FRMD5: variants seen among roughly 807,000 people sequenced by gnomAD.
The protein encoded by FRMD5 is FERM domain-containing protein 5.
Under a neutral mutation model 69.0 loss-of-function variants are expected in FRMD5, and 20 were observed. That is an observed-to-expected ratio of 0.29 (90% CI 0.20 to 0.42). The LOEUF is 0.42. Among genes scored for constraint, FRMD5 ranks in the 10% least tolerant of loss-of-function variants. The pLI, the probability that FRMD5 is intolerant of heterozygous loss-of-function variation, is 1.00. For synonymous variants in FRMD5, 271 were observed against 260.1 expected (o/e 1.04, Z -0.40); for missense variants, 595 against 708.6 (o/e 0.84, Z 1.82).
intron 1 of FRMD5, among the ~76,000 whole-genome samples, chr15:44,053,246 C>T (rs1892739902): frequency 6.6e-6 from 1 of 152,068 alleles, no homozygotes; most frequent in Admixed American, 6.5e-5. Flanking sequence ...AAAAGATGAA[C>T]ATGGAAGGAA....
At position 43,875,804 on chromosome 15, in the gene FRMD5, G is replaced by GTTTTTTTTTTTTTTTTTTTTTTTTTTTTT; in HGVS notation, c.1136-1343_1136-1342insAAAAAAAAAAAAAAAAAAAAAAAAAAAAA. On this transcript the variant is annotated intron_variant, in intron 13 of 13. Coordinates refer to ENST00000417257, the MANE Select transcript of FRMD5 (RefSeq NM_032892.5). ...TCTTGCCTTTGGTGTCCTGGGCCTA[G>GTTTTTTTTTTTTTTTTTTTTTTTTTTTTT]TTTTTTTTTTTTTTTTTTTTTTTCT... 1.4e-5 allele frequency: 3 copies of GTTTTTTTTTTTTTTTTTTTTTTTTTTTTT among 210,660 alleles called. 1 individual carries two copies. Among genetic ancestry groups the GTTTTTTTTTTTTTTTTTTTTTTTTTTTTT allele is most frequent in the African/African-American group, 9.6e-5 (2 of 20,938 alleles). 13.0% of individuals were successfully genotyped at this position (210,660 alleles called of 1,614,324 possible). A position where few individuals can be genotyped will look rare whatever the true frequency, so the allele number is the denominator to read the frequency against.
chr15:44,022,467 G>A (rs183255230), intron 1 of FRMD5, among the ~76,000 whole-genome samples: 235 of 150,652 alleles, frequency 1.6e-3, no homozygotes, highest in African/African-American at 2.0e-3. Flanking sequence ...TCAGCTACTC[G>A]GGAGGCTGAG....
At chr15:44,042,320 T>C (rs1396475546) in intron 1 of FRMD5, among the ~76,000 whole-genome samples, 3 of 152,142 alleles carry the variant, frequency 2.0e-5, no homozygotes, top group East Asian at 3.8e-4. Context: ...CAGGACCAGA[T>C]GGATTCACAC....
At chr15:44,112,655 C>T (rs1053717367) in intron 1 of FRMD5, among the ~76,000 whole-genome samples, 3 of 151,896 alleles carry the variant, frequency 2.0e-5, no homozygotes, top group Non-Finnish European at 1.5e-5. Context: ...TTTGTAGAGA[C>T]GGGGTTTCAC....
rs184782262 is a variant in FRMD5, at chr15:44,136,043, A to G, written c.102+58910T>C. Among the ~76,000 whole-genome samples, 720 of 152,060 alleles carry G rather than the reference A, an allele frequency of 4.7e-3. 5 individuals are homozygous for G. Among genetic ancestry groups the G allele is most frequent in the Non-Finnish European group, 8.1e-3 (548 of 67,986 alleles). Reference sequence around the variant, plus strand: ...TTTTTTTCTTTTCTTTTTTCTTGAGACAAGGTCTGGCTCTGTCACCCAGGC... The same window carrying G: ...TTTTTTTCTTTTCTTTTTTCTTGAGGCAAGGTCTGGCTCTGTCACCCAGGC... On this transcript the variant is annotated intron_variant, in intron 1 of 13. Transcript: ENST00000417257.
At chr15:44,010,204 A>G (rs1430083625) in intron 1 of FRMD5, among the ~76,000 whole-genome samples, 1 of 152,190 alleles carries the variant, frequency 6.6e-6, no homozygotes, top group African/African-American at 2.4e-5. Flanking sequence ...CTTGGCAATG[A>G]ATTACCAGAA....
intron 1 of FRMD5, among the ~76,000 whole-genome samples, chr15:44,036,111 T>C (rs936980329): frequency 1.3e-5 from 2 of 152,154 alleles, no homozygotes; most frequent in African/African-American, 4.8e-5. Flanking sequence ...GCCCATAATA[T>C]GTACTGAGAG....
intron 1 of FRMD5, among the ~76,000 whole-genome samples, chr15:43,942,562 C>T (rs929413763): frequency 2.0e-5 from 3 of 152,120 alleles, no homozygotes; most frequent in African/African-American, 7.2e-5. Context: ...TCATCTGGAA[C>T]AATGGAAGAC....
intron 1 of FRMD5, among the ~76,000 whole-genome samples, chr15:43,966,368 T>C (rs1327627704): frequency 1.3e-5 from 2 of 151,978 alleles, no homozygotes; most frequent in Non-Finnish European, 2.9e-5. Flanking sequence ...AGTGAGACCC[T>C]GTCTCTAAAA....
intron 1 of FRMD5, among the ~76,000 whole-genome samples, chr15:44,183,080 T>G (rs187198136): frequency 9.8e-4 from 149 of 152,190 alleles, no homozygotes; most frequent in Middle Eastern, 3.4e-3. Flanking sequence ...TTACAGGCGT[T>G]AGCCACTGTT....
At chr15:44,182,159 C>A (rs78361679) in intron 1 of FRMD5, among the ~76,000 whole-genome samples, 1 of 149,564 alleles carries the variant, frequency 6.7e-6, no homozygotes, top group Admixed American at 6.7e-5. Context: ...TACAGGTGTG[C>A]GCCACCATGC....
intron 1 of FRMD5, among the ~76,000 whole-genome samples, chr15:43,931,724 C>T (rs983304927): frequency 6.6e-6 from 1 of 152,028 alleles, no homozygotes; most frequent in African/African-American, 2.4e-5. Context: ...TGATTATTTC[C>T]CTCCTCTTCA....
intron 1 of FRMD5, among the ~76,000 whole-genome samples, chr15:44,129,850 T>G (rs1216747064): frequency 2.6e-5 from 4 of 152,138 alleles, no homozygotes; most frequent in African/African-American, 9.7e-5. Flanking sequence ...TTCCTCAGGT[T>G]AGTAACTAGG....
Position 43,873,127 on chromosome 15 carries a change from T to C in FRMD5, c.*758A>G. On this transcript the variant is annotated 3_prime_UTR_variant, in exon 14 of 14. Coordinates refer to ENST00000417257, the MANE Select transcript of FRMD5 (RefSeq NM_032892.5). ...TAAGTCTAGTTTCATTATACAAAAC[T>C]ATGGTGATGCCCACTAGGCTCTAGA... 1 of 1,501,380 alleles carries C rather than the reference T, an allele frequency of 6.7e-7. No homozygotes were observed. Among genetic ancestry groups the C allele is most frequent in the Non-Finnish European group, 9.0e-7 (1 of 1,106,876 alleles). 93.0% of individuals were successfully genotyped at this position (1,501,380 alleles called of 1,614,324 possible).
chr15:44,050,667 T>C (rs1250731419), intron 1 of FRMD5, among the ~76,000 whole-genome samples: 1 of 150,132 alleles, frequency 6.7e-6, no homozygotes, highest in Non-Finnish European at 1.5e-5. Context: ...TTTTTTTTTT[T>C]TCTTTTTTCA....
At chr15:44,143,800 C>T (rs1192530161) in intron 1 of FRMD5, among the ~76,000 whole-genome samples, 3 of 151,284 alleles carry the variant, frequency 2.0e-5, no homozygotes, top group Non-Finnish European at 4.4e-5. Context: ...CGGCACGCAC[C>T]TGTTGTCCCA....
chr15:44,120,533 A>ATTCTTTT (rs752188074), intron 1 of FRMD5, among the ~76,000 whole-genome samples: 16 of 137,816 alleles, frequency 1.2e-4, no homozygotes, highest in Non-Finnish European at 1.6e-4. Context: ...GGAAGAGTGG[A>ATTCTTTT]TTTTTTTTTT....
At chr15:44,072,993 G>T (rs1259904369) in intron 1 of FRMD5, among the ~76,000 whole-genome samples, 5 of 152,072 alleles carry the variant, frequency 3.3e-5, no homozygotes, top group Non-Finnish European at 1.5e-5. Flanking sequence ...TAATAGTTGG[G>T]CATGGTGGCA....
chr15:43,941,793 A>G (rs1339221998), intron 1 of FRMD5, among the ~76,000 whole-genome samples: 3 of 152,220 alleles, frequency 2.0e-5, no homozygotes, highest in Non-Finnish European at 2.9e-5. Context: ...CTGCACCTAA[A>G]CACTAACTTT....
Sources: allele counts gnomAD v4.1 joint callset (sites outside exome capture counted in the v4.1 genomes callset), GRCh38; gene constraint gnomAD v4.1.1; transcripts MANE v1.5; gene names NCBI Gene and HGNC (gene_info 2026-07-23, HGNC 2026-07-21).